KIF16B: variants seen among roughly 807,000 people sequenced by gnomAD.
KIF16B encodes the protein kinesin-like protein KIF16B.
Under a neutral mutation model 156.3 loss-of-function variants are expected in KIF16B, and 98 were observed. The ratio of observed to expected loss-of-function variants is 0.63; its 90% CI spans 0.53 to 0.74. The LOEUF (loss-of-function observed/expected upper bound fraction) is 0.74. KIF16B is among the 30% of genes least tolerant of loss of function. KIF16B has a pLI of 0.00. For missense variants in KIF16B, 1,421 were observed against 1,606.5 expected (o/e 0.88, Z 1.97); for synonymous variants, 564 against 583.7 (o/e 0.97, Z 0.49).
intron 23 of KIF16B, among the ~76,000 whole-genome samples, chr20:16,339,201 T>C (rs1345163003): frequency 1.3e-5 from 2 of 152,204 alleles, no homozygotes; most frequent in Admixed American, 6.5e-5. Context: ...AGGTTAGCAA[T>C]GGCTTCTGTA....
chr20:16,406,362 C>T lies in KIF16B; in HGVS notation c.1695+12G>A, dbSNP rs368850490. On this transcript the variant is annotated intron_variant, in intron 16 of 25. Coordinates refer to ENST00000354981, the MANE Select transcript of KIF16B (RefSeq NM_024704.5). Reference sequence around the variant, plus strand: ...ATCAGTGGTTCCCTCCTAGAGACGCCGTGTCCCTCACCTTCCTCTTCTCCC... The same window carrying T: ...ATCAGTGGTTCCCTCCTAGAGACGCTGTGTCCCTCACCTTCCTCTTCTCCC... 21 of 1,611,456 alleles carry T rather than the reference C, an allele frequency of 1.3e-5. No homozygotes were observed. The highest frequency in any genetic ancestry group is 4.5e-5 in the East Asian group (2 of 44,852).
chr20:16,337,049 G>A (rs1327651615), intron 23 of KIF16B, among the ~76,000 whole-genome samples: 3 of 152,142 alleles, frequency 2.0e-5, no homozygotes, highest in Non-Finnish European at 4.4e-5. Context: ...CTTAAGGCGA[G>A]CTTCATGCTG....
chr20:16,501,884 G>C (rs1334564740), intron 10 of KIF16B, among the ~76,000 whole-genome samples: 1 of 152,112 alleles, frequency 6.6e-6, no homozygotes, highest in Non-Finnish European at 1.5e-5. Flanking sequence ...AAGGATTAAG[G>C]GGGGCTTCAA....
chr20:16,321,966 T>C (rs2063778269), intron 24 of KIF16B, among the ~76,000 whole-genome samples: 1 of 152,032 alleles, frequency 6.6e-6, no homozygotes, highest in South Asian at 2.1e-4. Context: ...ACAGATATGA[T>C]AGGCCTAGAG....
intron 12 of KIF16B, among the ~76,000 whole-genome samples, chr20:16,444,230 T>A (rs972009278): frequency 6.6e-6 from 1 of 152,248 alleles, no homozygotes; most frequent in African/African-American, 2.4e-5. Flanking sequence ...AGTGAAATAA[T>A]ATCCACATCA....
chr20:16,519,681 G>A (rs1036464278), intron 3 of KIF16B, among the ~76,000 whole-genome samples: 2 of 152,212 alleles, frequency 1.3e-5, no homozygotes, highest in African/African-American at 4.8e-5. Flanking sequence ...CTGGTGCATG[G>A]ACACATTTCA....
chr20:16,499,845 T>C (rs2068565861), intron 10 of KIF16B, among the ~76,000 whole-genome samples: 1 of 152,162 alleles, frequency 6.6e-6, no homozygotes, highest in Non-Finnish European at 1.5e-5. Context: ...TTAAAAGAAA[T>C]CATTGGTAAA....
At chr20:16,288,445 T>C (rs575792400) in intron 25 of KIF16B, among the ~76,000 whole-genome samples, 48 of 152,076 alleles carry the variant, frequency 3.2e-4, no homozygotes, top group Non-Finnish European at 5.5e-4. Flanking sequence ...GATCCCATCA[T>C]AAGTGGAAGA....
At chr20:16,525,339 GGAA>G (rs1249413824) in intron 3 of KIF16B, among the ~76,000 whole-genome samples, 2 of 152,122 alleles carry the variant, frequency 1.3e-5, no homozygotes, top group Non-Finnish European at 2.9e-5. Context: ...CAACGAGCCA[GGAA>G]GAGGCCCAGC....
chr20:16,434,385 G>A (rs1004987239), intron 12 of KIF16B, among the ~76,000 whole-genome samples: 6 of 152,210 alleles, frequency 3.9e-5, no homozygotes, highest in Admixed American at 6.5e-5. Flanking sequence ...TAAGCAGGGA[G>A]TCTAGCTCTT....
At chr20:16,372,322 A>G (rs550740418) in intron 20 of KIF16B, among the ~76,000 whole-genome samples, 1 of 152,286 alleles carries the variant, frequency 6.6e-6, no homozygotes, top group East Asian at 1.9e-4. Context: ...CGTCTCTCCA[A>G]ATGGGTTCTC....
intron 22 of KIF16B, among the ~76,000 whole-genome samples, chr20:16,358,425 T>C (rs910710669): frequency 2.0e-5 from 3 of 152,320 alleles, no homozygotes; most frequent in African/African-American, 7.2e-5. Flanking sequence ...TTCCCTGACC[T>C]AGTCACAGAA....
chr20:16,440,301 T>G (rs569448353), intron 12 of KIF16B, among the ~76,000 whole-genome samples: 14 of 152,202 alleles, frequency 9.2e-5, no homozygotes, highest in African/African-American at 3.1e-4. Context: ...AAAACAATAG[T>G]TAATATGGCC....
chr20:16,330,510 AAAG>A (rs1268895065), intron 24 of KIF16B, among the ~76,000 whole-genome samples: 1 of 152,222 alleles, frequency 6.6e-6, no homozygotes, highest in Non-Finnish European at 1.5e-5. Flanking sequence ...CTTCACAAAG[AAAG>A]TCTAACACAT....
Position 16,382,168 on chromosome 20 carries a change from A to C in KIF16B, c.1785-421T>G, listed in dbSNP as rs774225633. The C allele has an allele frequency of 2.3e-6, 3 of 1,278,662 alleles. No individual in the cohort carries two copies. In the East Asian group the frequency reaches 1.4e-4, roughly 61 times the overall value. 79.2% of individuals were successfully genotyped at this position (1,278,662 alleles called of 1,614,324 possible). Reference sequence around the variant, plus strand: ...TGGAGAGAGAGAGAGAAAGAGAGAGAGAGCACAGACATCAATTAAGGAAAG... The same window carrying C: ...TGGAGAGAGAGAGAGAAAGAGAGAGCGAGCACAGACATCAATTAAGGAAAG... On this transcript the variant is annotated intron_variant, in intron 17 of 25. Coordinates refer to ENST00000354981, the MANE Select transcript of KIF16B (RefSeq NM_024704.5).
chr20:16,368,481 C>G lies in KIF16B; in HGVS notation c.3498+2105G>C, dbSNP rs548450850. ...CGAATGTTGTTACCTGGGAGGGGAG[C>G]CCCCTCGGGGCACACAGATTCCCCA... On this transcript the variant is annotated intron_variant, in intron 22 of 25. Coordinates refer to ENST00000354981, the MANE Select transcript of KIF16B (RefSeq NM_024704.5). The G allele has an allele frequency of 1.9e-5, 19 of 986,310 alleles. 1 individual carries two copies. In the Admixed American group the frequency reaches 6.7e-4, roughly 35 times the overall value. The allele number at this position is 986,310 out of a possible 1,614,324, so 61.1% of individuals were successfully genotyped here.
At chr20:16,339,495 G>A (rs1441669636) in intron 23 of KIF16B, among the ~76,000 whole-genome samples, 2 of 152,052 alleles carry the variant, frequency 1.3e-5, no homozygotes, top group Admixed American at 6.5e-5. Flanking sequence ...ATTTACATGT[G>A]GATGACTCCC....
At chr20:16,283,974 C>T (rs1435895948) in intron 25 of KIF16B, among the ~76,000 whole-genome samples, 1 of 152,198 alleles carries the variant, frequency 6.6e-6, no homozygotes, top group African/African-American at 2.4e-5. Flanking sequence ...GGCACCCAGC[C>T]TCCACCACAT....
chr20:16,526,995 A>T (rs551436730), intron 2 of KIF16B, among the ~76,000 whole-genome samples: 1 of 152,366 alleles, frequency 6.6e-6, no homozygotes, highest in South Asian at 2.1e-4. Context: ...CAACAGAGTA[A>T]TCGAGGAAAA....
Sources: gnomAD v4.1 joint callset for allele counts (sites outside exome capture counted in the v4.1 genomes callset) on GRCh38, gnomAD v4.1.1 for gene constraint, MANE v1.5 for transcripts, NCBI Gene and HGNC (gene_info 2026-07-23, HGNC 2026-07-21) for gene names.